LRP1B: variants seen among roughly 807,000 people sequenced by gnomAD.
LRP1B encodes low-density lipoprotein receptor-related protein 1B.
Under a neutral mutation model 556.6 loss-of-function variants are expected in LRP1B, and 217 were observed. The observed-to-expected ratio is 0.39, with a 90% CI of 0.35 to 0.44. The LOEUF is 0.44. LRP1B is among the 20% of genes least tolerant of loss of function. LRP1B has a pLI of 1.00. For missense variants in LRP1B, 5,053 were observed against 5,620.8 expected, an observed-to-expected ratio of 0.90 and a Z score of 3.23; for synonymous variants, 2,047 against 1,865.8, an observed-to-expected ratio of 1.10 and a Z score of -2.50.
chr2:140,597,791 T>A (rs1312814418), intron 43 of LRP1B, among the ~76,000 whole-genome samples: 3 of 152,200 alleles, frequency 2.0e-5, no homozygotes, highest in African/African-American at 7.2e-5. Context: ...CGTGAAACAC[T>A]GTAGTTGTGA....
At chr2:141,615,265 A>C (rs1688251260) in intron 2 of LRP1B, among the ~76,000 whole-genome samples, 1 of 152,274 alleles carries the variant, frequency 6.6e-6, no homozygotes. Context: ...TGCTGCTTAT[A>C]GTAAATGAAA....
chr2:140,343,476 AAAATC>A (rs1250692148), intron 77 of LRP1B, among the ~76,000 whole-genome samples: 8 of 151,692 alleles, frequency 5.3e-5, no homozygotes, highest in African/African-American at 1.4e-4. Flanking sequence ...TAACAAGACA[AAAATC>A]AAACGAATTA....
chr2:140,557,494 T>A (rs1455341909), intron 43 of LRP1B, among the ~76,000 whole-genome samples: 1 of 152,140 alleles, frequency 6.6e-6, no homozygotes, highest in Non-Finnish European at 1.5e-5. Context: ...TCTGCACATC[T>A]AATCCTTTCC....
intron 83 of LRP1B, among the ~76,000 whole-genome samples, chr2:140,306,266 G>A (rs1304892252): frequency 3.9e-5 from 6 of 151,996 alleles, no homozygotes; most frequent in African/African-American, 7.2e-5. Flanking sequence ...GAATTTGGCT[G>A]TGAATCTGTC....
intron 1 of LRP1B, among the ~76,000 whole-genome samples, chr2:142,021,993 A>C (rs1400054677): frequency 6.6e-6 from 1 of 152,204 alleles, no homozygotes; most frequent in Non-Finnish European, 1.5e-5. Flanking sequence ...TTTCTACTTC[A>C]TAAAAACGTA....
At chr2:140,313,746 A>G (rs1390420975) in intron 83 of LRP1B, among the ~76,000 whole-genome samples, 1 of 151,982 alleles carries the variant, frequency 6.6e-6, no homozygotes, top group Non-Finnish European at 1.5e-5. Flanking sequence ...TGTATATTCA[A>G]TAAAGGACAC....
chr2:140,385,838 C>G lies in LRP1B; in HGVS notation c.10531+55G>C, dbSNP rs1431725546. 5.3e-5 allele frequency: 64 copies of G among 1,214,030 alleles called. No homozygotes were observed. In the Admixed American group the frequency reaches 1.1e-3, roughly 20 times the overall value. 75.2% of individuals were successfully genotyped at this position (1,214,030 alleles called of 1,614,324 possible). On this transcript the variant is annotated intron_variant, in intron 67 of 90. Transcript: ENST00000389484. ...CTTAACAGAACTAAAAATTGCCATC[C>G]TGCTTATTGAATGGGCTGTCAAGCT...
chr2:141,511,910 TAA>T (rs1286512246), intron 2 of LRP1B, among the ~76,000 whole-genome samples: 2 of 152,186 alleles, frequency 1.3e-5, no homozygotes, highest in African/African-American at 2.4e-5. Context: ...AATTTTCTTA[TAA>T]GAGGCATTTT....
intron 43 of LRP1B, among the ~76,000 whole-genome samples, chr2:140,557,041 T>C (rs1261115700): frequency 6.6e-6 from 1 of 152,152 alleles, no homozygotes; most frequent in Admixed American, 6.6e-5. Flanking sequence ...GGGTTCTGAC[T>C]ACATGACTAT....
intron 41 of LRP1B, among the ~76,000 whole-genome samples, chr2:140,622,037 C>G (rs1013464831): frequency 6.6e-6 from 1 of 152,166 alleles, no homozygotes; most frequent in Admixed American, 6.5e-5. Context: ...TGTAAGCTAA[C>G]TTATTTTCTC....
intron 20 of LRP1B, among the ~76,000 whole-genome samples, chr2:140,948,651 C>T (rs76170262): frequency 0.021 from 3,194 of 152,274 alleles, 43 homozygotes; most frequent in Non-Finnish European, 0.026. Context: ...ATAATTTCTT[C>T]GTTTCTGTTT....
At chr2:141,374,600 G>T (rs1029343935) in intron 3 of LRP1B, among the ~76,000 whole-genome samples, 1 of 151,580 alleles carries the variant, frequency 6.6e-6, no homozygotes, top group Non-Finnish European at 1.5e-5. Context: ...TTTATCTGAC[G>T]GATTATTTAA....
intron 1 of LRP1B, among the ~76,000 whole-genome samples, chr2:142,004,802 T>C (rs1468478404): frequency 1.3e-5 from 2 of 151,800 alleles, no homozygotes; most frequent in Admixed American, 6.6e-5. Context: ...TAGTGAGCCA[T>C]GATCGTGCCA....
chr2:141,755,223 G>T (rs1246187143), intron 2 of LRP1B, among the ~76,000 whole-genome samples: 2 of 151,966 alleles, frequency 1.3e-5, no homozygotes, highest in Non-Finnish European at 2.9e-5. Flanking sequence ...TGCTTTAAAA[G>T]GCAAATGATA....
intron 3 of LRP1B, among the ~76,000 whole-genome samples, chr2:141,413,905 GGAGAA>G (rs200831647): frequency 0.02 from 3,075 of 150,432 alleles, 56 homozygotes; most frequent in Middle Eastern, 0.081. Context: ...ATGAGAGAAA[GGAGAA>G]GAGAAGAGAA....
chr2:141,612,677 T>C (rs753475324), intron 2 of LRP1B, among the ~76,000 whole-genome samples: 1 of 152,140 alleles, frequency 6.6e-6, no homozygotes, highest in Non-Finnish European at 1.5e-5. Flanking sequence ...GAAAGATTCT[T>C]CACATTAATG....
intron 41 of LRP1B, among the ~76,000 whole-genome samples, chr2:140,657,445 A>T (rs977421807): frequency 6.6e-6 from 1 of 151,512 alleles, no homozygotes; most frequent in African/African-American, 2.4e-5. Context: ...TCATACATTG[A>T]ATGATTATTC....
chr2:140,719,841 G>T (rs1265543425), intron 35 of LRP1B, among the ~76,000 whole-genome samples: 1 of 151,974 alleles, frequency 6.6e-6, no homozygotes, highest in Non-Finnish European at 1.5e-5. Context: ...ATCACACATT[G>T]ATACCCAAAT....
chr2:141,756,019 A>T (rs1694307019), intron 2 of LRP1B, among the ~76,000 whole-genome samples: 1 of 152,058 alleles, frequency 6.6e-6, no homozygotes, highest in Non-Finnish European at 1.5e-5. Flanking sequence ...GACGTATATG[A>T]CATTTAAATT....
Sources: allele counts gnomAD v4.1 joint callset (sites outside exome capture counted in the v4.1 genomes callset), GRCh38; gene constraint gnomAD v4.1.1; transcripts MANE v1.5; gene names NCBI Gene and HGNC (gene_info 2026-07-23, HGNC 2026-07-21).